Variants in ADCK1 observed in about 807,000 individuals in gnomAD.
ADCK1 encodes the protein aarF domain-containing protein kinase 1.
Under a neutral mutation model 52.3 loss-of-function variants are expected in ADCK1, and 41 were observed. The ratio of observed to expected loss-of-function variants is 0.78; its 90% CI spans 0.61 to 1.02. The LOEUF (loss-of-function observed/expected upper bound fraction) is 1.02, where lower values mean the gene tolerates loss of function less well. Among genes scored for constraint, ADCK1 ranks in the 50% least tolerant of loss-of-function variants. The probability of loss-of-function intolerance (pLI) is 0.00; values close to 1 mark genes in which losing one functional copy is unlikely to be tolerated. For missense variants in ADCK1, 658 were observed against 679.5 expected (o/e 0.97, Z 0.35); for synonymous variants, 250 against 274.6 (o/e 0.91, Z 0.89).
chr14:77,890,156 A>C (rs888029582), intron 5 of ADCK1, among the ~76,000 whole-genome samples: 1 of 152,280 alleles, frequency 6.6e-6, no homozygotes, highest in Non-Finnish European at 1.5e-5. Context: ...TGTTTTGCTC[A>C]TGAATTCGCA....
At chr14:77,920,893 T>C (rs192328069) in intron 7 of ADCK1, among the ~76,000 whole-genome samples, 134 of 152,136 alleles carry the variant, frequency 8.8e-4, no homozygotes, top group African/African-American at 3.1e-3. Flanking sequence ...CAAGCAATTA[T>C]CCCTCCTGAG....
intron 3 of ADCK1, among the ~76,000 whole-genome samples, chr14:77,852,679 A>ATATAT (rs2082320244): frequency 2.8e-5 from 2 of 71,918 alleles, no homozygotes; most frequent in South Asian, 9.4e-4. Context: ...ATATATATAT[A>ATATAT]TATATATATA....
chr14:77,909,049 G>A (rs559538509), intron 7 of ADCK1, among the ~76,000 whole-genome samples: 1 of 151,786 alleles, frequency 6.6e-6, no homozygotes, highest in East Asian at 1.9e-4. Flanking sequence ...TCACTTCAGG[G>A]TTTTGGGGAG....
At chr14:77,896,256 A>G (rs1443428283) in intron 5 of ADCK1, among the ~76,000 whole-genome samples, 3 of 152,330 alleles carry the variant, frequency 2.0e-5, no homozygotes, top group Non-Finnish European at 2.9e-5. Flanking sequence ...AACAGTGACC[A>G]TACAATAAAT....
At chr14:77,889,518 C>CA (rs1239265263) in intron 5 of ADCK1, among the ~76,000 whole-genome samples, 12 of 152,184 alleles carry the variant, frequency 7.9e-5, no homozygotes, top group African/African-American at 2.9e-4. Flanking sequence ...AGATCATAGA[C>CA]ATGGGAGTGG....
intron 3 of ADCK1, among the ~76,000 whole-genome samples, chr14:77,840,105 A>G (rs938306870): frequency 1.1e-4 from 16 of 152,086 alleles, no homozygotes; most frequent in Admixed American, 9.2e-4. Flanking sequence ...AAATTCAAGA[A>G]TAGCGTGAAC....
intron 4 of ADCK1, among the ~76,000 whole-genome samples, chr14:77,879,931 A>G (rs1205954629): frequency 6.6e-6 from 1 of 152,170 alleles, no homozygotes; most frequent in African/African-American, 2.4e-5. Flanking sequence ...TAGACCCTTT[A>G]TGTATGTGGT....
chr14:77,925,739 C>T (rs202053884), intron 8 of ADCK1, 25 bp from the exon 9 acceptor site: 1 of 1,612,450 alleles, frequency 6.2e-7, no homozygotes, highest in East Asian at 2.2e-5. Flanking sequence ...AGGCTTAGGT[C>T]CCACCGCTGC....
intron 7 of ADCK1, among the ~76,000 whole-genome samples, chr14:77,910,018 C>T (rs1329215555): frequency 6.6e-6 from 1 of 152,144 alleles, no homozygotes; most frequent in Non-Finnish European, 1.5e-5. Flanking sequence ...GTGCACAGAG[C>T]TGCTGCCAGG....
At chr14:77,815,167 A>C (rs1396571765) in intron 1 of ADCK1, among the ~76,000 whole-genome samples, 6 of 145,734 alleles carry the variant, frequency 4.1e-5, no homozygotes. Flanking sequence ...AGGAATCTAC[A>C]TTTTAAAAAA....
intron 10 of ADCK1, among the ~76,000 whole-genome samples, chr14:77,932,205 T>A (rs145641221): frequency 1.1e-3 from 174 of 152,128 alleles, no homozygotes; most frequent in African/African-American, 3.8e-3. Context: ...CCCACCACCA[T>A]ATCCAGCTAA....
At chr14:77,836,473 C>T (rs1342032086) in intron 3 of ADCK1, among the ~76,000 whole-genome samples, 5 of 152,196 alleles carry the variant, frequency 3.3e-5, no homozygotes, top group African/African-American at 1.2e-4. Flanking sequence ...GATGAACAGA[C>T]GGATGGAGTG....
At chr14:77,902,713 G>T (rs2083573887) in intron 6 of ADCK1, 1 of 152,202 alleles carries the variant, frequency 6.6e-6, no homozygotes, top group African/African-American at 2.4e-5. Flanking sequence ...ATTCCCAAGA[G>T]GAAGTACGTA....
At chr14:77,806,135 C>G (rs2081221425) in intron 1 of ADCK1, among the ~76,000 whole-genome samples, 1 of 151,382 alleles carries the variant, frequency 6.6e-6, no homozygotes, top group Admixed American at 6.6e-5. Context: ...CTATGTTGCC[C>G]CGGCTGGTCT....
At chr14:77,868,186 AC>A (rs1272188361) in intron 4 of ADCK1, among the ~76,000 whole-genome samples, 1 of 151,990 alleles carries the variant, frequency 6.6e-6, no homozygotes, top group Non-Finnish European at 1.5e-5. Context: ...ATTTAGTGCG[AC>A]CCCCACATTT....
intron 3 of ADCK1, among the ~76,000 whole-genome samples, chr14:77,854,990 G>A (rs751210073): frequency 5.3e-5 from 8 of 152,162 alleles, no homozygotes; most frequent in Admixed American, 1.3e-4. Flanking sequence ...AGACAAGTAG[G>A]GAGAGCTCCC....
At chr14:77,891,110 G>C (rs2083274189) in intron 5 of ADCK1, among the ~76,000 whole-genome samples, 1 of 152,132 alleles carries the variant, frequency 6.6e-6, no homozygotes, top group South Asian at 2.1e-4. Flanking sequence ...CAGCCTGATA[G>C]CCTCTATTTT....
At chr14:77,879,936 T>C (rs1260512173) in intron 4 of ADCK1, among the ~76,000 whole-genome samples, 1 of 152,218 alleles carries the variant, frequency 6.6e-6, no homozygotes, top group Non-Finnish European at 1.5e-5. Context: ...CCTTTATGTA[T>C]GTGGTTTCAT....
At chr14:77,933,150 CT>C in intron 10 of ADCK1, 69 bp from the exon 11 acceptor site, 2 of 1,518,258 alleles carry the variant, frequency 1.3e-6, no homozygotes, top group Non-Finnish European at 1.8e-6. Flanking sequence ...TTTAGTTTTT[CT>C]AAATGATACA....
Sources: gnomAD v4.1 joint callset for allele counts (sites outside exome capture counted in the v4.1 genomes callset) on GRCh38, gnomAD v4.1.1 for gene constraint, MANE v1.5 for transcripts, NCBI Gene and HGNC (gene_info 2026-07-23, HGNC 2026-07-21) for gene names.